The following ATG3 variants were observed in gnomAD, a reference collection of about 807,000 sequenced individuals.
ATG3 encodes autophagy related 3.
In ATG3, 25 loss-of-function variants were observed where a neutral mutation model predicts 50.7. The observed-to-expected ratio is 0.49, with a 90% CI of 0.36 to 0.69. The LOEUF is 0.69. ATG3 is among the 30% of genes least tolerant of loss of function. The probability of loss-of-function intolerance (pLI) is 0.00; values close to 1 mark genes in which losing one functional copy is unlikely to be tolerated. For missense variants in ATG3, 281 were observed against 376.0 expected (o/e 0.75, Z 2.09); for synonymous variants, 119 against 125.5 (o/e 0.95, Z 0.34).
intron 5 of ATG3, among the ~76,000 whole-genome samples, chr3:112,546,210 C>G (rs1412059799): frequency 6.6e-6 from 1 of 152,156 alleles, no homozygotes; most frequent in East Asian, 1.9e-4. Flanking sequence ...TATACCTATA[C>G]CTATGCAATA....
intron 2 of ATG3, among the ~76,000 whole-genome samples, chr3:112,556,964 T>A (rs1553739420): frequency 6.6e-6 from 1 of 151,664 alleles, no homozygotes; most frequent in Non-Finnish European, 1.5e-5. Context: ...CCTCCACTAT[T>A]GTCCTGTGAC....
rs72940009 is a variant in ATG3 at position 112,539,022 on chromosome 3, C to T, written c.476-842G>A. On this transcript the variant is annotated intron_variant, in intron 7 of 11. Transcript: ENST00000283290. ...TATTCCACTTGTCACATATGACATC[C>T]AATCCAGCAGCAAATCTCTTTGGCT... 8.7e-3 allele frequency among the ~76,000 whole-genome samples: 1,320 copies of T among 152,266 alleles called. 15 individuals are homozygous for T. Among genetic ancestry groups the T allele is most frequent in the African/African-American group, 0.03 (1,257 of 41,550 alleles).
At chr3:112,556,589 GA>G (rs1933690079) in intron 2 of ATG3, among the ~76,000 whole-genome samples, 1 of 152,254 alleles carries the variant, frequency 6.6e-6, no homozygotes. Flanking sequence ...AGAAAGGGGG[GA>G]AAGGTGGGGA....
At chr3:112,558,471 A>C in intron 1 of ATG3, 54 bp from the exon 2 acceptor site, 1 of 1,407,434 alleles carries the variant, frequency 7.1e-7, no homozygotes, top group Non-Finnish European at 1.0e-6. Flanking sequence ...TATCAATTAA[A>C]TATATTTTGG....
chr3:112,533,504 A>T, intron 11 of ATG3: 2 of 985,272 alleles, frequency 2.0e-6, no homozygotes, highest in Non-Finnish European at 2.4e-6. Context: ...TTAGGGACAC[A>T]CTTTATTAGC....
chr3:112,534,922 G>C (rs1932982459), intron 10 of ATG3: 1 of 151,888 alleles, frequency 6.6e-6, no homozygotes, highest in African/African-American at 2.4e-5. Context: ...AGAGTTGAGA[G>C]GTTTGTATTT....
chr3:112,561,323 A>C (rs888365882), intron 1 of ATG3, 134 bp downstream of exon 1: 2 of 888,270 alleles, frequency 2.3e-6, no homozygotes, highest in Admixed American at 2.1e-5. Flanking sequence ...GGGGCTGCAC[A>C]CTTCCCTGTG....
chr3:112,558,082 A>G (rs1037777567), intron 2 of ATG3: 15 of 348,602 alleles, frequency 4.3e-5, no homozygotes, highest in Non-Finnish European at 6.8e-5. Context: ...GCACAGCTCA[A>G]TATAACACCA....
intron 5 of ATG3, 89 bp downstream of exon 5, chr3:112,548,444 G>C: frequency 8.8e-7 from 1 of 1,140,752 alleles, no homozygotes; most frequent in Non-Finnish European, 1.3e-6. Context: ...TATGCCTTAT[G>C]TATCCTCTTT....
chr3:112,560,014 C>G (rs1933803166), intron 1 of ATG3, among the ~76,000 whole-genome samples: 1 of 152,186 alleles, frequency 6.6e-6, no homozygotes, highest in Non-Finnish European at 1.5e-5. Flanking sequence ...GACGGTCATT[C>G]ATTCTTTCCT....
intron 1 of ATG3, 126 bp from the exon 2 acceptor site, chr3:112,558,543 A>G (rs1354718069): frequency 5.8e-6 from 4 of 683,886 alleles, no homozygotes; most frequent in Non-Finnish European, 1.0e-5. Context: ...AAATTAGTCT[A>G]TCTATCTAAT....
chr3:112,548,695 T>A (rs1444803784), intron 4 of ATG3, 55 bp from the exon 5 acceptor site: 3 of 1,448,036 alleles, frequency 2.1e-6, no homozygotes, highest in Non-Finnish European at 2.9e-6. Context: ...TAACCATAAA[T>A]CCATTAGAAA....
chr3:112,552,776 A>C (rs933579518), intron 3 of ATG3, among the ~76,000 whole-genome samples: 27 of 151,258 alleles, frequency 1.8e-4, no homozygotes, highest in African/African-American at 6.3e-4. Context: ...TCAGCCTCCC[A>C]AGTAGCTGGG....
intron 2 of ATG3, among the ~76,000 whole-genome samples, chr3:112,557,448 T>C (rs776901524): frequency 6.6e-6 from 1 of 152,154 alleles, no homozygotes. Flanking sequence ...TGAAACCCCA[T>C]CTCTACTAAA....
chr3:112,538,984 A>G (rs537952273), intron 7 of ATG3, among the ~76,000 whole-genome samples: 2 of 152,160 alleles, frequency 1.3e-5, no homozygotes, highest in Non-Finnish European at 2.9e-5. Flanking sequence ...AAAACCTTGG[A>G]GTCACCCTTG....
intron 5 of ATG3, among the ~76,000 whole-genome samples, chr3:112,544,568 C>T (rs747752228): frequency 4.9e-5 from 7 of 143,080 alleles, no homozygotes; most frequent in East Asian, 2.1e-4. Flanking sequence ...ACAGGAGAAT[C>T]GCTTGGACCC....
chr3:112,556,874 G>A (rs1457238528), intron 2 of ATG3, among the ~76,000 whole-genome samples: 2 of 151,864 alleles, frequency 1.3e-5, no homozygotes, highest in Non-Finnish European at 2.9e-5. Flanking sequence ...AAGTACCCAG[G>A]GACACAAACA....
intron 2 of ATG3, among the ~76,000 whole-genome samples, chr3:112,556,381 C>T (rs1157033988): frequency 2.1e-5 from 3 of 141,472 alleles, no homozygotes; most frequent in African/African-American, 5.4e-5. Flanking sequence ...CCCGGCCAGC[C>T]GCCCCATCCG....
At chr3:112,535,460 C>T (rs901629615) in intron 10 of ATG3, 1 of 152,110 alleles carries the variant, frequency 6.6e-6, no homozygotes. Flanking sequence ...GAGAGATACG[C>T]TTCAGTTTGA....
Sources: allele counts gnomAD v4.1 joint callset (sites outside exome capture counted in the v4.1 genomes callset), GRCh38; gene constraint gnomAD v4.1.1; transcripts MANE v1.5; gene names NCBI Gene and HGNC (gene_info 2026-07-23, HGNC 2026-07-21).